Variants in LRCH2 observed in about 807,000 individuals in gnomAD.
LRCH2 encodes leucine rich repeats and calponin homology domain containing 2.
A neutral mutation model predicts 68.9 loss-of-function variants in LRCH2; 38 were observed. That is an observed-to-expected ratio of 0.55 (90% CI 0.43 to 0.72). The LOEUF is 0.72. LRCH2 is among the 30% of genes least tolerant of loss of function. The pLI, the probability that LRCH2 is intolerant of heterozygous loss-of-function variation, is 0.00. For missense variants in LRCH2, 528 were observed against 572.9 expected, an observed-to-expected ratio of 0.92 and a Z score of 0.80; for synonymous variants, 191 against 208.1, an observed-to-expected ratio of 0.92 and a Z score of 0.71.
intron 20 of LRCH2, among the ~76,000 whole-genome samples, chrX:115,116,349 T>G (rs1364326475): frequency 9.0e-6 from 1 of 111,473 alleles, no homozygotes; most frequent in Non-Finnish European, 1.9e-5. Flanking sequence ...GGTATGTATT[T>G]AGAACAGAAC....
intron 1 of LRCH2, among the ~76,000 whole-genome samples, chrX:115,225,257 C>T (rs781810198): frequency 1.8e-5 from 2 of 111,506 alleles, no homozygotes; most frequent in Admixed American, 9.6e-5. Flanking sequence ...CTAGTTTCTA[C>T]GGCTAGCCTT....
At chrX:115,222,617 T>C (rs2073092744) in intron 1 of LRCH2, among the ~76,000 whole-genome samples, 1 of 111,912 alleles carries the variant, frequency 8.9e-6, no homozygotes. Context: ...ATCCAAAAAC[T>C]AAATTTTTAA....
intron 1 of LRCH2, among the ~76,000 whole-genome samples, chrX:115,202,830 T>C (rs905857257): frequency 1.8e-5 from 2 of 111,951 alleles, no homozygotes; most frequent in South Asian, 3.7e-4. Context: ...CCTTAACATA[T>C]ATTGCTTCTT....
intron 5 of LRCH2, 29 bp from the exon 6 acceptor site, chrX:115,170,461 T>C (rs1556547181): frequency 9.8e-7 from 1 of 1,019,304 alleles, no homozygotes; most frequent in South Asian, 3.2e-5. Flanking sequence ...GATTTAATTA[T>C]ATAGTTCCAA....
intron 14 of LRCH2, among the ~76,000 whole-genome samples, chrX:115,134,617 C>A (rs781928935): frequency 1.8e-5 from 2 of 112,116 alleles, no homozygotes; most frequent in East Asian, 5.6e-4. Flanking sequence ...GACAGCACAT[C>A]TGTTTACAGC....
At chrX:115,179,371 CA>C in intron 5 of LRCH2, 55 bp downstream of exon 5, 1 of 954,262 alleles carries the variant, frequency 1.0e-6, no homozygotes, top group Non-Finnish European at 1.4e-6. Context: ...CAGTCATAAA[CA>C]GATAAAATTA....
chrX:115,185,346 C>T (rs62601524), intron 2 of LRCH2, among the ~76,000 whole-genome samples: 11,708 of 111,312 alleles, frequency 0.11, 605 homozygotes, highest in Non-Finnish European at 0.16. Context: ...CAAAGTCACA[C>T]AGCTGTTAAA....
At chrX:115,196,107 G>A (rs2072885701) in intron 1 of LRCH2, among the ~76,000 whole-genome samples, 1 of 111,326 alleles carries the variant, frequency 9.0e-6, no homozygotes, top group African/African-American at 3.3e-5. Context: ...GACATGGCAT[G>A]GGCTCCAGCC....
intron 5 of LRCH2, among the ~76,000 whole-genome samples, chrX:115,173,748 A>C (rs1287029841): frequency 9.0e-6 from 1 of 111,638 alleles, no homozygotes; most frequent in Non-Finnish European, 1.9e-5. Context: ...GGTCCATTAT[A>C]CATGGATTTT....
At chrX:115,190,273 G>A (rs62601529) in intron 1 of LRCH2, 50,099 of 1,151,846 alleles carry the variant, frequency 0.043, 875 homozygotes, top group Non-Finnish European at 0.05. Context: ...CTTGAGAGGC[G>A]ACGGCAACCA....
intron 2 of LRCH2, among the ~76,000 whole-genome samples, chrX:115,186,976 G>A (rs1057141673): frequency 6.4e-5 from 7 of 109,963 alleles, no homozygotes; most frequent in African/African-American, 2.3e-4. Context: ...CCACCACCAC[G>A]CCTGGCTAAT....
Position 115,149,873 on chromosome X carries a change from C to G in LRCH2, c.1649G>C (p.Ser550Thr). The G allele has an allele frequency of 8.3e-7, 1 of 1,206,010 alleles. No individual in the cohort carries two copies. The highest frequency in any genetic ancestry group is 1.1e-6 in the Non-Finnish European group (1 of 891,791). ...CTGTTTGCTCCGCCTCCTTTCTTCA[C>G]TCTGCCAGATTATAGGGTGAGATTC... ...WPESHPIIWQ[S>T]EERRRSKQIR... Residue 550 changes from serine (S) to threonine (T), a missense_variant, in exon 14 of 21, where the codon AGT becomes ACT. Coordinates refer to ENST00000317135, the MANE Select transcript of LRCH2 (RefSeq NM_020871.4).
At chrX:115,191,890 C>T (rs782772532) in intron 1 of LRCH2, 8 of 1,162,673 alleles carry the variant, frequency 6.9e-6, no homozygotes, top group African/African-American at 3.7e-5. Context: ...AGGAGGAGGC[C>T]GCTACGAGGA....
At chrX:115,121,036 C>T (rs1172442423) in intron 20 of LRCH2, among the ~76,000 whole-genome samples, 2 of 49,844 alleles carry the variant, frequency 4.0e-5, no homozygotes, top group African/African-American at 8.1e-5. Flanking sequence ...TGGGGGGAGG[C>T]GGGAGGGATA....
rs2073173107 is a variant in LRCH2, at chrX:115,234,067, G to A, written c.-26C>T. 2 of 1,158,160 alleles carry A rather than the reference G, an allele frequency of 1.7e-6. No homozygotes were observed. The highest frequency in any genetic ancestry group is 2.3e-6 in the Non-Finnish European group (2 of 868,124). ...GTTCCTGGGAGAGAGAATAGCCCCC[G>A]ACAATACTGTCAGCCTGTGCCGCGA... On this transcript the variant is annotated 5_prime_UTR_variant, in exon 1 of 21. Transcript: ENST00000317135.
At chrX:115,198,402 C>CA (rs1204413258) in intron 1 of LRCH2, 5 of 111,581 alleles carry the variant, frequency 4.5e-5, no homozygotes, top group Admixed American at 9.5e-5. Flanking sequence ...GACAGCATTC[C>CA]ACCACAGCCA....
chrX:115,207,876 G>A (rs2072979995), intron 1 of LRCH2, among the ~76,000 whole-genome samples: 1 of 111,599 alleles, frequency 9.0e-6, no homozygotes, highest in African/African-American at 3.3e-5. Flanking sequence ...TGCCATCACA[G>A]GTATCCTTAT....
At position 115,200,024 on chromosome X, in the gene LRCH2, C is replaced by T. The variant is rs74468826; in HGVS notation, c.350-11654G>A. Among the ~76,000 whole-genome samples, 797 of 111,820 alleles carry T rather than the reference C, an allele frequency of 7.1e-3. 9 individuals are homozygous for T. Among genetic ancestry groups the T allele is most frequent in the African/African-American group, 0.024 (748 of 30,828 alleles). On this transcript the variant is annotated intron_variant, in intron 1 of 20. Transcript: ENST00000317135. ...ACGATACAAACACATGGATATTACA[C>T]AAGCTCCTGAACAATCATTGGATCA...
At chrX:115,211,291 T>A (rs142153764) in intron 1 of LRCH2, among the ~76,000 whole-genome samples, 3,231 of 111,582 alleles carry the variant, frequency 0.029, 62 homozygotes, top group Non-Finnish European at 0.045. Flanking sequence ...CGTGCTGTTC[T>A]CATGATAGTG....
Sources: gnomAD v4.1 joint callset for allele counts (sites outside exome capture counted in the v4.1 genomes callset) on GRCh38, gnomAD v4.1.1 for gene constraint, MANE v1.5 for transcripts, NCBI Gene and HGNC (gene_info 2026-07-23, HGNC 2026-07-21) for gene names.